ARNT2: variants seen among roughly 807,000 people sequenced by gnomAD.
The protein encoded by ARNT2 is aryl hydrocarbon receptor nuclear translocator 2, also known as ARNT protein 2.
A neutral mutation model predicts 91.7 loss-of-function variants in ARNT2; 36 were observed. The observed-to-expected ratio is 0.39, with a 90% CI of 0.30 to 0.52. The LOEUF (loss-of-function observed/expected upper bound fraction) is 0.52, where lower values mean the gene tolerates loss of function less well. ARNT2 is among the 20% of genes least tolerant of loss of function. ARNT2 has a pLI of 0.72. For missense variants in ARNT2, 775 were observed against 939.3 expected, an observed-to-expected ratio of 0.83 and a Z score of 2.29; for synonymous variants, 365 against 347.1, an observed-to-expected ratio of 1.05 and a Z score of -0.57.
chr15:80,426,425 A>T (rs1464479276), intron 1 of ARNT2, among the ~76,000 whole-genome samples: 1 of 152,178 alleles, frequency 6.6e-6, no homozygotes, highest in African/African-American at 2.4e-5. Context: ...TTAGGGTATC[A>T]ACTTAATAGG....
At chr15:80,518,804 C>G (rs988450359) in intron 8 of ARNT2, among the ~76,000 whole-genome samples, 1 of 152,174 alleles carries the variant, frequency 6.6e-6, no homozygotes, top group Non-Finnish European at 1.5e-5. Context: ...AGTAACTCCT[C>G]TTTTCCGTAG....
chr15:80,528,771 AC>A (rs1897687133), intron 8 of ARNT2, among the ~76,000 whole-genome samples: 1 of 152,112 alleles, frequency 6.6e-6, no homozygotes. Context: ...GAGTAGAAGC[AC>A]CCTGAGACCT....
intron 2 of ARNT2, among the ~76,000 whole-genome samples, chr15:80,451,763 C>A (rs56985031): frequency 0.36 from 55,327 of 151,874 alleles, 10,213 homozygotes; most frequent in South Asian, 0.43. Flanking sequence ...CCAACTACCC[C>A]CCAACCATCC....
intron 1 of ARNT2, among the ~76,000 whole-genome samples, chr15:80,406,877 T>A (rs745755644): frequency 6.6e-5 from 10 of 152,232 alleles, no homozygotes; most frequent in Non-Finnish European, 1.2e-4. Context: ...CGTGGGGATG[T>A]GTTATTATTG....
At chr15:80,480,799 C>T (rs1199155750) in intron 5 of ARNT2, among the ~76,000 whole-genome samples, 1 of 152,012 alleles carries the variant, frequency 6.6e-6, no homozygotes. Context: ...TGCTTCCTTT[C>T]TTCTCTCTCT....
chr15:80,470,698 C>T (rs1041933880), intron 4 of ARNT2, among the ~76,000 whole-genome samples: 2 of 152,174 alleles, frequency 1.3e-5, no homozygotes, highest in East Asian at 1.9e-4. Flanking sequence ...CACACTGACA[C>T]AGGAAGAAGT....
intron 5 of ARNT2, among the ~76,000 whole-genome samples, chr15:80,479,400 T>C (rs1273808537): frequency 6.6e-6 from 1 of 152,222 alleles, no homozygotes; most frequent in Non-Finnish European, 1.5e-5. Context: ...ATCTGACTTG[T>C]CTGCGAATAA....
chr15:80,475,559 CAAAAA>C (rs35720455), intron 5 of ARNT2: 5 of 91,238 alleles, frequency 5.5e-5, no homozygotes, highest in Admixed American at 1.1e-4. Context: ...GACTCTGTCT[CAAAAA>C]AAAAAAAAAA....
chr15:80,566,261 A>G lies in ARNT2; in HGVS notation c.1316+3022A>G, dbSNP rs367787340. 9.3e-5 allele frequency among the ~76,000 whole-genome samples: 14 copies of G among 150,066 alleles called. No individual in the cohort carries two copies. The South Asian group carries it at 2.9e-3, about 31-fold the overall frequency. On this transcript the variant is annotated intron_variant, in intron 12 of 18. Transcript: ENST00000303329. Reference sequence around the variant, plus strand: ...ATGCCCTGCCTGCCTTCTTCCTCTAACTCTGGGCAGATCACCTTGCCTTCC... The same window carrying G: ...ATGCCCTGCCTGCCTTCTTCCTCTAGCTCTGGGCAGATCACCTTGCCTTCC...
At chr15:80,508,051 T>A in intron 5 of ARNT2, 105 bp from the exon 6 acceptor site, 1 of 1,044,744 alleles carries the variant, frequency 9.6e-7, no homozygotes, top group East Asian at 2.5e-5. Flanking sequence ...CAGCCACACT[T>A]GTCCTCATTT....
intron 8 of ARNT2, among the ~76,000 whole-genome samples, chr15:80,543,587 G>T (rs1345904338): frequency 6.6e-6 from 1 of 151,896 alleles, no homozygotes; most frequent in African/African-American, 2.4e-5. Context: ...AGTGTATTAG[G>T]CCACTTGAAG....
chr15:80,578,691 G>A (rs111895078), intron 15 of ARNT2, among the ~76,000 whole-genome samples: 10 of 152,074 alleles, frequency 6.6e-5, no homozygotes, highest in African/African-American at 1.9e-4. Context: ...GGGGCAGCTG[G>A]CAGTGTGGGG....
At chr15:80,450,438 G>A (rs76673272) in intron 1 of ARNT2, among the ~76,000 whole-genome samples, 1,886 of 152,240 alleles carry the variant, frequency 0.012, 23 homozygotes, top group East Asian at 0.065. Flanking sequence ...CTAGGGCAAC[G>A]GAGGGGCAGT....
chr15:80,449,325 G>T lies in ARNT2; in HGVS notation c.32-1555G>T, dbSNP rs983916895. Among the ~76,000 whole-genome samples, 5 of 152,192 alleles carry T rather than the reference G, an allele frequency of 3.3e-5. No homozygotes were observed. The East Asian group carries it at 9.6e-4, about 29-fold the overall frequency. On this transcript the variant is annotated intron_variant, in intron 1 of 18. Transcript: ENST00000303329. ...ATTGTCATCTGTCTTTGCTGTAACA[G>T]TGATTCTGCCCTTCAGTTTGGGGAC... is the stretch of plus-strand genomic sequence containing the variant.
intron 15 of ARNT2, among the ~76,000 whole-genome samples, chr15:80,577,908 A>C (rs1156802182): frequency 6.6e-6 from 1 of 152,206 alleles, no homozygotes; most frequent in Non-Finnish European, 1.5e-5. Context: ...CCCTGGCTGC[A>C]GGCAGGGCCT....
intron 4 of ARNT2, among the ~76,000 whole-genome samples, chr15:80,472,797 T>C (rs1015522768): frequency 1.3e-5 from 2 of 152,258 alleles, no homozygotes; most frequent in African/African-American, 2.4e-5. Flanking sequence ...TAATGAAGGG[T>C]AAATAGCTGG....
chr15:80,546,198 G>A (rs1214922244), intron 8 of ARNT2, among the ~76,000 whole-genome samples: 1 of 152,162 alleles, frequency 6.6e-6, no homozygotes, highest in Non-Finnish European at 1.5e-5. Flanking sequence ...CAATGATTCT[G>A]TGATGTAAGC....
At chr15:80,531,666 C>T (rs1044947303) in intron 8 of ARNT2, among the ~76,000 whole-genome samples, 13 of 152,180 alleles carry the variant, frequency 8.5e-5, no homozygotes, top group Admixed American at 7.9e-4. Context: ...TTCTGTTTTC[C>T]CCACTAACCG....
At chr15:80,436,734 T>A (rs1048192899) in intron 1 of ARNT2, among the ~76,000 whole-genome samples, 2 of 152,194 alleles carry the variant, frequency 1.3e-5, no homozygotes, top group African/African-American at 2.4e-5. Context: ...CAGTCTTCAT[T>A]TGTGCCTGGG....
Sources: allele counts gnomAD v4.1 joint callset (sites outside exome capture counted in the v4.1 genomes callset), GRCh38; gene constraint gnomAD v4.1.1; transcripts MANE v1.5; gene names NCBI Gene and HGNC (gene_info 2026-07-23, HGNC 2026-07-21).